MMP13: variants seen among roughly 807,000 people sequenced by gnomAD.
The protein encoded by MMP13 is collagenase 3.
In MMP13, 45 loss-of-function variants were observed where a neutral mutation model predicts 52.1. The ratio of observed to expected loss-of-function variants is 0.86; its 90% CI spans 0.68 to 1.11. The LOEUF (loss-of-function observed/expected upper bound fraction) is 1.11, where lower values mean the gene tolerates loss of function less well. MMP13 is among the 50% of genes least tolerant of loss of function. The probability of loss-of-function intolerance (pLI) is 0.00; values close to 1 mark genes in which losing one functional copy is unlikely to be tolerated. For synonymous variants in MMP13, 200 were observed against 204.4 expected (o/e 0.98, Z 0.18); for missense variants, 576 against 583.8 (o/e 0.99, Z 0.14).
At chr11:102,954,825 G>A (rs1421550359) in intron 2 of MMP13, among the ~76,000 whole-genome samples, 1 of 152,106 alleles carries the variant, frequency 6.6e-6, no homozygotes, top group Non-Finnish European at 1.5e-5. Flanking sequence ...ATCTGACCAT[G>A]TGGCATCTTA....
rs557080076 is a variant in MMP13 at position 102,944,771 on chromosome 11, C to CTTTT, written c.1316-409_1316-406dup. On this transcript the variant is annotated intron_variant, in intron 9 of 9. Transcript: ENST00000260302. ...TACAGGTGCATGCCACCACTCCCAG[C>CTTTT]TTTTTTTTTTTTTTTTTTTTTGGAT... Among the ~76,000 whole-genome samples the CTTTT allele has an allele frequency of 7.2e-3, 692 of 95,618 alleles. 1 individual carries two copies. The highest frequency in any genetic ancestry group is 9.8e-3 in the South Asian group (21 of 2,138). 62.7% of individuals were successfully genotyped at this position (95,618 alleles called of 152,430 possible). A position where few individuals can be genotyped will look rare whatever the true frequency, so the allele number is the denominator to read the frequency against.
At chr11:102,946,268 C>T (rs1458419350) in intron 8 of MMP13, among the ~76,000 whole-genome samples, 1 of 152,196 alleles carries the variant, frequency 6.6e-6, no homozygotes, top group Non-Finnish European at 1.5e-5. Context: ...ATATTTCAAG[C>T]TCCTTCTCCC....
Position 102,952,069 on chromosome 11 carries a change from C to A in MMP13, c.742G>T (p.Gly248Cys), listed in dbSNP as rs782514579. Residue 248 changes from glycine (G) to cysteine (C), a missense_variant, in exon 5 of 10, where the codon GGC becomes TGC. Coordinates refer to ENST00000260302, the MANE Select transcript of MMP13 (RefSeq NM_002427.4). This position sits in a 1 kb window ranked among gnomAD's most constrained non-coding sequence, Gnocchi z 4.3. Reference protein sequence around the residue: ...ALMFPIYTYTGKSHFMLPDDD... With the variant: ...ALMFPIYTYTCKSHFMLPDDD... ...TCAGGAAGCATAAAGTGGCTTTTGC[C>A]GGTGTAGGTGTAGATAGGAAACATG... The A allele has an allele frequency of 6.2e-7, 1 of 1,613,122 alleles. No individual in the cohort carries two copies. Among genetic ancestry groups the A allele is most frequent in the Admixed American group, 1.7e-5 (1 of 59,930 alleles).
chr11:102,947,945 A>G lies in MMP13; in HGVS notation c.1157T>C (p.Val386Ala), dbSNP rs1555016845. The G allele has an allele frequency of 6.2e-7, 1 of 1,613,978 alleles. No homozygotes were observed. Among genetic ancestry groups the G allele is most frequent in the Non-Finnish European group, 8.5e-7 (1 of 1,179,916 alleles). Residue 386 changes from valine (V) to alanine (A), a missense_variant, in exon 8 of 10, where the codon GTT becomes GCT. Transcript: ENST00000260302. Reference protein sequence around the residue: ...PKEVKKISAAVHFEDTGKTLL... With the variant: ...PKEVKKISAAAHFEDTGKTLL... ...AGTCTTGCCTGTATCCTCAAAGTGA[A>G]CAGCTGCACTTATCTTCTTAACTTC...
At position 102,944,266 on chromosome 11, in the gene MMP13, T is replaced by G; in HGVS notation, c.1416A>C (p.Ter472TyrextTer4). The G allele has an allele frequency of 6.2e-7, 1 of 1,611,008 alleles. No homozygotes were observed. ...VMPANSILWC[*>Y] ...TAAATAACAATTTTTAAAAAGACAC[T>G]TAACACCACAAAATGGAATTTGCTG... The change falls in exon 10 of 10, where the codon TAA becomes TAC. Residue 472 changes from the stop codon to tyrosine (Y), a stop_lost. Transcript: ENST00000260302.
rs1177266743 is a variant in MMP13 at position 102,954,481 on chromosome 11, A to G, written c.488T>C (p.Ile163Thr). Residue 163 changes from isoleucine (I) to threonine (T), a missense_variant, in exon 3 of 10, where the codon ATC (isoleucine) becomes ACC (threonine). By Grantham distance (89) the Ile-to-Thr change is moderately conservative. Transcript: ENST00000260302. Reference protein sequence around the residue: ...FTRLHDGIADIMISFGIKEHG... With the variant: ...FTRLHDGIADTMISFGIKEHG... ...ACCCTTAATTCCAAAAGAGATCATG[A>G]TGTCAGCAATGCCATCGTGAAGTCT... is the stretch of plus-strand genomic sequence containing the variant. 6.2e-7 allele frequency: 1 copy of G among 1,613,700 alleles called. No individual in the cohort carries two copies. The highest frequency in any genetic ancestry group is 1.1e-5 in the South Asian group (1 of 91,080).
chr11:102,950,179 T>G lies in MMP13; in HGVS notation c.848A>C (p.Lys283Thr). The change falls in exon 6 of 10, where the codon AAA becomes ACA. Residue 283 changes from lysine (K) to threonine (T), a missense_variant. Transcript: ENST00000260302. ...ATCAAGGGATAAGGAAGGGTCACAT[T>G]TGTCTGGCGTTTTTGGATGTTTAGG... ...PNPKHPKTPD[K>T]CDPSLSLDAI... 1 of 1,613,874 alleles carries G rather than the reference T, an allele frequency of 6.2e-7. No homozygotes were observed. Among genetic ancestry groups the G allele is most frequent in the Non-Finnish European group, 8.5e-7 (1 of 1,179,806 alleles).
At position 102,945,656 on chromosome 11, in the gene MMP13, A is replaced by G. The variant is rs782359159; in HGVS notation, c.1305T>C (p.Tyr435=). The G allele has an allele frequency of 1.3e-5, 20 of 1,589,050 alleles. No individual in the cohort carries two copies. The highest frequency in any genetic ancestry group is 1.6e-5 in the Non-Finnish European group (19 of 1,158,070). Residue 435 remains tyrosine, a synonymous_variant, in exon 9 of 10, where the codon TAT becomes TAC. Transcript: ENST00000260302. ...AATGTAACTACTTACCATTTTTCTC[A>G]TAGACAGCATCTACTTTATCACCAA... ...PGIGDKVDAV[Y]EKNGYIYFFN...
At chr11:102,954,110 GTCTAA>G (rs778748878) in intron 4 of MMP13, 41 bp downstream of exon 4, 82 of 1,606,794 alleles carry the variant, frequency 5.1e-5, no homozygotes, top group South Asian at 6.6e-5. Context: ...TGTGTTCACT[GTCTAA>G]TCTAATAACA....
Position 102,944,259 on chromosome 11 carries a change from A to G in MMP13, c.*7T>C. The G allele has an allele frequency of 6.2e-7, 1 of 1,607,588 alleles. No individual in the cohort carries two copies. Among genetic ancestry groups the G allele is most frequent in the Non-Finnish European group, 8.5e-7 (1 of 1,174,432 alleles). ...CAGGATTTAAATAACAATTTTTAAAAAGACACTTAACACCACAAAATGGAA... is the reference window on the plus strand; with the variant it reads ...CAGGATTTAAATAACAATTTTTAAAGAGACACTTAACACCACAAAATGGAA... On this transcript the variant is annotated 3_prime_UTR_variant, in exon 10 of 10. Transcript: ENST00000260302.
At position 102,955,215 on chromosome 11, in the gene MMP13, G is replaced by T. The variant is rs767108371; in HGVS notation, c.362+37C>A. ...TAGACATTTAATACTACAAGAAAAG[G>T]CTAACAAATATGAAAGAAAGATAGC... is the stretch of plus-strand genomic sequence containing the variant. On this transcript the variant is annotated intron_variant, in intron 2 of 9. Coordinates refer to ENST00000260302, the MANE Select transcript of MMP13 (RefSeq NM_002427.4). This position sits in a 1 kb window ranked among gnomAD's most constrained non-coding sequence, Gnocchi z 4.9. 1 of 1,607,598 alleles carries T rather than the reference G, an allele frequency of 6.2e-7. No individual in the cohort carries two copies. Among genetic ancestry groups the T allele is most frequent in the South Asian group, 1.1e-5 (1 of 90,916 alleles).
At position 102,949,814 on chromosome 11, in the gene MMP13, C is replaced by T. The variant is rs761256862; in HGVS notation, c.917+296G>A. The stretch of plus-strand genomic sequence containing the variant: ...CATTTATTAATACAGCAGTTACTTT[C>T]AATGCTTGTCTGTTTTTAAAACAAA... On this transcript the variant is annotated intron_variant, in intron 6 of 9. Transcript: ENST00000260302. The surrounding 1 kb of genome is among the most constrained non-coding windows in gnomAD (Gnocchi z 4.2). Among the ~76,000 whole-genome samples the T allele has an allele frequency of 1.1e-4, 16 of 152,054 alleles. No homozygotes were observed. Among genetic ancestry groups the T allele is most frequent in the Non-Finnish European group, 2.2e-4 (15 of 67,996 alleles).
In MMP13 at chr11:102,955,699, G is replaced by T; in HGVS notation, c.7C>A (p.Pro3Thr). 6.2e-7 allele frequency: 1 copy of T among 1,613,900 alleles called. No homozygotes were observed. The highest frequency in any genetic ancestry group is 8.5e-7 in the Non-Finnish European group (1 of 1,179,872). Residue 3 changes from proline to threonine, a missense_variant, in exon 1 of 10, where the codon CCA becomes ACA. Coordinates refer to ENST00000260302, the MANE Select transcript of MMP13 (RefSeq NM_002427.4). This position sits in a 1 kb window ranked among gnomAD's most constrained non-coding sequence, Gnocchi z 4.9. ...AAGAGGAAGGCAGCCAGGACCCCTG[G>T]ATGCATCTTGAATGGTGATGCCTGG... MH[P>T]GVLAAFLFLS...
intron 8 of MMP13, 97 bp downstream of exon 8, chr11:102,947,794 T>C: frequency 7.4e-7 from 1 of 1,355,744 alleles, no homozygotes; most frequent in Non-Finnish European, 1.1e-6. Context: ...TAGTATGACA[T>C]TTACAATAGT....
Position 102,955,544 on chromosome 11 carries a change from A to G in MMP13, c.120+42T>C. 6.2e-7 allele frequency: 1 copy of G among 1,614,028 alleles called. No individual in the cohort carries two copies. The highest frequency in any genetic ancestry group is 8.5e-7 in the Non-Finnish European group (1 of 1,179,898). On this transcript the variant is annotated intron_variant, in intron 1 of 9. Coordinates refer to ENST00000260302, the MANE Select transcript of MMP13 (RefSeq NM_002427.4). This position sits in a 1 kb window ranked among gnomAD's most constrained non-coding sequence, Gnocchi z 4.9. The stretch of plus-strand genomic sequence containing the variant: ...CGTTTAAAAGAGAAGGACATTTCTG[A>G]GATGTACCAACCGCATCATCAGGAT...
rs1860581892 is a variant in MMP13, at chr11:102,949,931, A to G, written c.917+179T>C. ...TACACAATGTCAAGGTTATACGTTG[A>G]AAAGTAAAACATTTATCCATCAGTC... On this transcript the variant is annotated intron_variant, in intron 6 of 9. Coordinates refer to ENST00000260302, the MANE Select transcript of MMP13 (RefSeq NM_002427.4). The surrounding 1 kb of genome is among the most constrained non-coding windows in gnomAD (Gnocchi z 4.2). 6.6e-6 allele frequency among the ~76,000 whole-genome samples: 1 copy of G among 152,238 alleles called. No individual in the cohort carries two copies. Among genetic ancestry groups the G allele is most frequent in the Admixed American group, 6.5e-5 (1 of 15,284 alleles).
Position 102,955,127 on chromosome 11 carries a change from G to A in MMP13, c.362+125C>T, listed in dbSNP as rs1401480397. 6.4e-6 allele frequency: 7 copies of A among 1,094,846 alleles called. No homozygotes were observed. Among genetic ancestry groups the A allele is most frequent in the African/African-American group, 3.1e-5 (2 of 63,552 alleles). 67.8% of individuals were successfully genotyped at this position (1,094,846 alleles called of 1,614,324 possible). A position where few individuals can be genotyped will look rare whatever the true frequency, so the allele number is the denominator to read the frequency against. On this transcript the variant is annotated intron_variant, in intron 2 of 9. Coordinates refer to ENST00000260302, the MANE Select transcript of MMP13 (RefSeq NM_002427.4). The surrounding 1 kb of genome is among the most constrained non-coding windows in gnomAD (Gnocchi z 4.9). ...TAATAGATGTTATGAGGTATTCTCG[G>A]CAACCATATTAAAGCTATTCTGGAA...
At chr11:102,951,585 GT>G (rs1555017325) in intron 5 of MMP13, among the ~76,000 whole-genome samples, 1 of 152,178 alleles carries the variant, frequency 6.6e-6, no homozygotes, top group Non-Finnish European at 1.5e-5. Flanking sequence ...AGCATTGGCA[GT>G]GGTGAATTCA....
Position 102,955,658 on chromosome 11 carries a change from A to AT in MMP13, c.47dup (p.His16GlnfsTer12). 1 of 1,613,980 alleles carries AT rather than the reference A, an allele frequency of 6.2e-7. No homozygotes were observed. The highest frequency in any genetic ancestry group is 8.5e-7 in the Non-Finnish European group (1 of 1,179,900). ...CACTGGGAAGGGGCAGGGCCCGACAATGAGTCCAGCTCAAGAAGAGGAAGG... is the reference window on the plus strand; with the variant it reads ...CACTGGGAAGGGGCAGGGCCCGACAATTGAGTCCAGCTCAAGAAGAGGAAGG... On this transcript the variant is annotated frameshift_variant, in exon 1 of 10. Transcript: ENST00000260302. LOFTEE classifies it high-confidence loss of function. The surrounding 1 kb of genome is among the most constrained non-coding windows in gnomAD (Gnocchi z 4.9).
Sources: allele counts gnomAD v4.1 joint callset (sites outside exome capture counted in the v4.1 genomes callset), GRCh38; gene constraint gnomAD v4.1.1; non-coding constraint Gnocchi (gnomAD v3.1); transcripts MANE v1.5; gene names NCBI Gene and HGNC (gene_info 2026-07-23, HGNC 2026-07-21).